GATC: variants seen among roughly 807,000 people sequenced by gnomAD.
GATC encodes glutamyl-tRNA amidotransferase subunit C, also known as glutamyl-tRNA(Gln) amidotransferase subunit C, mitochondrial.
A neutral mutation model predicts 14.4 loss-of-function variants in GATC; 11 were observed. The ratio of observed to expected loss-of-function variants is 0.77; its 90% confidence interval spans 0.48 to 1.27. The LOEUF is 1.27. Among genes scored for constraint, GATC ranks in the 50% most tolerant of loss-of-function variants. GATC has a pLI of 0.00. For synonymous variants in GATC, 76 were observed against 79.3 expected (o/e 0.96, Z 0.22); for missense variants, 204 against 183.0 (o/e 1.11, Z -0.66).
At chr12:120,453,734 CT>C (rs1294186719) in intron 2 of GATC, among the ~76,000 whole-genome samples, 1 of 151,846 alleles carries the variant, frequency 6.6e-6, no homozygotes, top group Non-Finnish European at 1.5e-5. Context: ...GTAATCCCAG[CT>C]GCTTGGGAAG....
chr12:120,449,102 A>G (rs1003713257), intron 2 of GATC, among the ~76,000 whole-genome samples: 4 of 151,588 alleles, frequency 2.6e-5, no homozygotes, highest in African/African-American at 7.3e-5. Context: ...AGCTGGGTCT[A>G]CAAGTGCCCA....
intron 2 of GATC, among the ~76,000 whole-genome samples, chr12:120,453,826 AGTAAAAC>A (rs1282567325): frequency 7.0e-6 from 1 of 142,340 alleles, no homozygotes; most frequent in East Asian, 2.4e-4. Flanking sequence ...AAAAAAAAAA[AGTAAAAC>A]AACAACAACA....
intron 2 of GATC, chr12:120,454,920 C>A: frequency 2.5e-6 from 1 of 393,560 alleles, no homozygotes; most frequent in Non-Finnish European, 5.3e-6. Flanking sequence ...CACTGTCTCA[C>A]TCTGTCACCC....
At chr12:120,456,668 G>GAACAGTGAC (rs1268382417) in intron 2 of GATC, among the ~76,000 whole-genome samples, 1 of 152,072 alleles carries the variant, frequency 6.6e-6, no homozygotes, top group Non-Finnish European at 1.5e-5. Context: ...GCCCATCCTT[G>GAACAGTGAC]AACAGTGACA....
intron 3 of GATC, among the ~76,000 whole-genome samples, chr12:120,459,416 T>C (rs1025578684): frequency 6.6e-5 from 10 of 152,190 alleles, no homozygotes; most frequent in African/African-American, 2.2e-4. Context: ...CTGAAAAAGG[T>C]GAATTTGGCT....
intron 2 of GATC, among the ~76,000 whole-genome samples, chr12:120,447,065 TTTG>T (rs1201576327): frequency 1.4e-4 from 18 of 126,372 alleles, no homozygotes; most frequent in African/African-American, 2.5e-4. Flanking sequence ...TGTTTTTTTT[TTTG>T]TTTGTTTGTT....
intron 2 of GATC, chr12:120,455,049 G>T (rs561157551): frequency 2.4e-6 from 1 of 424,142 alleles, no homozygotes; most frequent in Non-Finnish European, 4.8e-6. Context: ...CACCATGCCC[G>T]GCTAACTTTT....
intron 3 of GATC, among the ~76,000 whole-genome samples, chr12:120,458,924 G>A (rs531708164): frequency 1.3e-5 from 2 of 152,232 alleles, no homozygotes; most frequent in South Asian, 2.1e-4. Context: ...GCAGTGGCGC[G>A]ATCTCGGCTC....
intron 2 of GATC, chr12:120,455,055 CTT>C (rs535616621): frequency 8.6e-4 from 355 of 413,642 alleles, no homozygotes; most frequent in African/African-American, 6.9e-3. Flanking sequence ...GCCCGGCTAA[CTT>C]TTATATTTTT....
In GATC at chr12:120,446,775, T is replaced by C; in HGVS notation, c.200T>C (p.Leu67Pro). 2 of 1,613,930 alleles carry C rather than the reference T, an allele frequency of 1.2e-6. No homozygotes were observed. The highest frequency in any genetic ancestry group is 1.7e-6 in the Non-Finnish European group (2 of 1,180,022). Reference sequence around the variant, plus strand: ...AAAGCTATCGCCTTCGCCGACCGGCTACGCGCCGTGGACACAGACGGGGTG... The same window carrying C: ...AAAGCTATCGCCTTCGCCGACCGGCCACGCGCCGTGGACACAGACGGGGTG... The part of the protein sequence containing the change: ...LEKAIAFADR[L>P]RAVDTDGVEP... Residue 67 changes from leucine to proline, a missense_variant, in exon 2 of 4, where the codon CTA becomes CCA. By Grantham distance (98) the Leu-to-Pro change is moderately conservative. Transcript: ENST00000551765.
chr12:120,450,868 A>ATAAATGTT (rs1878020244), intron 2 of GATC: 1 of 152,224 alleles, frequency 6.6e-6, no homozygotes, highest in South Asian at 2.1e-4. Flanking sequence ...TTGGCCGGGC[A>ATAAATGTT]TAATGGCTCA....
rs1565913367 is a variant in GATC at position 120,451,881 on chromosome 12, T to TTTTTTCTTTTTTG, written c.254+5057_254+5058insCTTTTTTGTTTTT. The stretch of plus-strand genomic sequence containing the variant: ...CTAATAAATTATATAAATTCTTTTT[T>TTTTTTCTTTTTTG]TTTTTTTTTTTTTTGAGCTGGAGTC... On this transcript the variant is annotated intron_variant, in intron 2 of 3. Transcript: ENST00000551765. Among the ~76,000 whole-genome samples, 2 of 126,726 alleles carry TTTTTTCTTTTTTG rather than the reference T, an allele frequency of 1.6e-5. 1 individual carries two copies. The highest frequency in any genetic ancestry group is 6.1e-5 in the African/African-American group (2 of 33,008). The allele number at this position is 126,726 out of a possible 152,430, so 83.1% of individuals were successfully genotyped here.
intron 3 of GATC, among the ~76,000 whole-genome samples, 178 bp downstream of exon 3, chr12:120,457,357 T>G (rs1486660710): frequency 1.3e-5 from 2 of 151,984 alleles, no homozygotes; most frequent in Admixed American, 1.3e-4. Context: ...AGGGGGCAGT[T>G]AGTAACAGGA....
chr12:120,452,272 A>G (rs1429895437), intron 2 of GATC, among the ~76,000 whole-genome samples: 1 of 152,164 alleles, frequency 6.6e-6, no homozygotes, highest in African/African-American at 2.4e-5. Flanking sequence ...AAGGTTATAT[A>G]ATGTGCCCAA....
At chr12:120,455,116 C>A in intron 2 of GATC, 1 of 257,920 alleles carries the variant, frequency 3.9e-6, no homozygotes. Context: ...CTCCTGACCT[C>A]AGGTGATCCA....
Position 120,462,464 on chromosome 12 carries a change from C to T in GATC, c.*2505C>T. On this transcript the variant is annotated 3_prime_UTR_variant, in exon 4 of 4. Coordinates refer to ENST00000551765, the MANE Select transcript of GATC (RefSeq NM_176818.3). ...GATAAACAATATATCTGAATTACTG[C>T]CATTGACCCCCCTCAAAGCTAAGAA... is the stretch of plus-strand genomic sequence containing the variant. The T allele has an allele frequency of 4.4e-6, 1 of 228,160 alleles. No individual in the cohort carries two copies. The highest frequency in any genetic ancestry group is 8.7e-6 in the Non-Finnish European group (1 of 114,824). The allele number at this position is 228,160 out of a possible 1,614,324, so 14.1% of individuals were successfully genotyped here.
intron 3 of GATC, among the ~76,000 whole-genome samples, chr12:120,459,319 G>A (rs1878265872): frequency 6.6e-6 from 1 of 152,152 alleles, no homozygotes; most frequent in Non-Finnish European, 1.5e-5. Context: ...TTCAGACTTT[G>A]CTTTTTGGGA....
chr12:120,457,859 G>A (rs7961895), intron 3 of GATC, among the ~76,000 whole-genome samples: 24,974 of 151,874 alleles, frequency 0.16, 2,720 homozygotes, highest in African/African-American at 0.31. Context: ...CACCCACCTC[G>A]GCCTCCCAAA....
chr12:120,462,206 C>G lies in GATC; in HGVS notation c.*2247C>G, dbSNP rs1159767993. On this transcript the variant is annotated 3_prime_UTR_variant, in exon 4 of 4. Transcript: ENST00000551765. Reference sequence around the variant, plus strand: ...CAAAAAGAGTAAAGGGGAAAAAAATCAGAGCCAGAAGAATAAGCAAACCAA... The same window carrying G: ...CAAAAAGAGTAAAGGGGAAAAAAATGAGAGCCAGAAGAATAAGCAAACCAA... 2 of 1,564,192 alleles carry G rather than the reference C, an allele frequency of 1.3e-6. No homozygotes were observed. The highest frequency in any genetic ancestry group is 8.7e-7 in the Non-Finnish European group (1 of 1,152,552).
Sources: gnomAD v4.1 joint callset for allele counts (sites outside exome capture counted in the v4.1 genomes callset) on GRCh38, gnomAD v4.1.1 for gene constraint, MANE v1.5 for transcripts, NCBI Gene and HGNC (gene_info 2026-07-23, HGNC 2026-07-21) for gene names.